ST3GAL4: variants seen among roughly 807,000 people sequenced by gnomAD.
The protein encoded by ST3GAL4 is ST3 beta-galactoside alpha-2,3-sialyltransferase 4.
In ST3GAL4, 24 loss-of-function variants were observed where a neutral mutation model predicts 42.6. That is an observed-to-expected ratio of 0.56 (90% CI 0.41 to 0.79). The LOEUF (loss-of-function observed/expected upper bound fraction) is 0.79. ST3GAL4 is among the 30% of genes least tolerant of loss of function. The pLI, the probability that ST3GAL4 is intolerant of heterozygous loss-of-function variation, is 0.00. For synonymous variants in ST3GAL4, 135 were observed against 163.2 expected (o/e 0.83, Z 1.32); for missense variants, 311 against 430.8 (o/e 0.72, Z 2.46).
At chr11:126,401,820 G>A (rs1954009409) in intron 1 of ST3GAL4, among the ~76,000 whole-genome samples, 1 of 152,120 alleles carries the variant, frequency 6.6e-6, no homozygotes, top group African/African-American at 2.4e-5. Flanking sequence ...AGTGGCATAG[G>A]GGTCGGGGGA....
chr11:126,403,293 G>A, intron 1 of ST3GAL4: 1 of 774,680 alleles, frequency 1.3e-6, no homozygotes, highest in Non-Finnish European at 1.6e-6. Flanking sequence ...GGAAGAGGTC[G>A]AAGAAGGGCT....
rs1177488848 is a variant in ST3GAL4, at chr11:126,366,868, C to T, written c.-61+11026C>T. On this transcript the variant is annotated intron_variant, in intron 1 of 10. Coordinates refer to ENST00000444328, the MANE Select transcript of ST3GAL4 (RefSeq NM_001254757.2). This position sits in a 1 kb window ranked among gnomAD's most constrained non-coding sequence, Gnocchi z 4.2. ...GCTCCAAAACTCTTAAAAGCAGAGC[C>T]GAGAGCCTGAATTCAGAGGCTGTAC... Among the ~76,000 whole-genome samples the T allele has an allele frequency of 3.3e-5, 5 of 152,238 alleles. No individual in the cohort carries two copies. Among genetic ancestry groups the T allele is most frequent in the East Asian group, 1.9e-4 (1 of 5,184 alleles).
Position 126,414,135 on chromosome 11 carries a change from T to C in ST3GAL4, c.*88T>C. ...GCTGTGGGGGTGGCTGGTGCCAGTA[T>C]GACCCACTTGGACTCACCCCCTCTT... is the stretch of plus-strand genomic sequence containing the variant. On this transcript the variant is annotated 3_prime_UTR_variant, in exon 11 of 11. Coordinates refer to ENST00000444328, the MANE Select transcript of ST3GAL4 (RefSeq NM_001254757.2). 7.5e-7 allele frequency: 1 copy of C among 1,325,474 alleles called. No homozygotes were observed. The highest frequency in any genetic ancestry group is 1.1e-6 in the Non-Finnish European group (1 of 919,722). 82.1% of individuals were successfully genotyped at this position (1,325,474 alleles called of 1,614,324 possible). A position where few individuals can be genotyped will look rare whatever the true frequency, so the allele number is the denominator to read the frequency against.
At position 126,373,310 on chromosome 11, in the gene ST3GAL4, G is replaced by C. The variant is rs1285213741; in HGVS notation, c.-61+17468G>C. The stretch of plus-strand genomic sequence containing the variant: ...GCCTTTAACTTCAGATCCTTGGGGT[G>C]GGTGCATTGCTTCTCCTGGGATGGA... On this transcript the variant is annotated intron_variant, in intron 1 of 10. Transcript: ENST00000444328. The surrounding 1 kb of genome is among the most constrained non-coding windows in gnomAD (Gnocchi z 5.5). Among the ~76,000 whole-genome samples the C allele has an allele frequency of 6.6e-6, 1 of 152,180 alleles. No homozygotes were observed. Among genetic ancestry groups the C allele is most frequent in the Non-Finnish European group, 1.5e-5 (1 of 68,028 alleles).
Position 126,406,707 on chromosome 11 carries a change from C to T in ST3GAL4, c.101+150C>T. The stretch of plus-strand genomic sequence containing the variant: ...CTTCAGCTGCTGGTACGGAGTGTTT[C>T]CATGAGGGTGGGTGGGGGTAGGGCC... On this transcript the variant is annotated intron_variant, in intron 3 of 10. Coordinates refer to ENST00000444328, the MANE Select transcript of ST3GAL4 (RefSeq NM_001254757.2). The surrounding 1 kb of genome is among the most constrained non-coding windows in gnomAD (Gnocchi z 5.4). The T allele has an allele frequency of 8.6e-7, 1 of 1,159,202 alleles. No individual in the cohort carries two copies. The highest frequency in any genetic ancestry group is 1.2e-6 in the Non-Finnish European group (1 of 821,716). The allele number at this position is 1,159,202 out of a possible 1,614,324, so 71.8% of individuals were successfully genotyped here. A position where few individuals can be genotyped will look rare whatever the true frequency, so the allele number is the denominator to read the frequency against.
chr11:126,377,648 C>A (rs1469750005), intron 1 of ST3GAL4, among the ~76,000 whole-genome samples: 1 of 151,766 alleles, frequency 6.6e-6, no homozygotes, highest in East Asian at 1.9e-4. Flanking sequence ...CCACACCCGG[C>A]TAATTTTGTA....
In ST3GAL4 at chr11:126,397,728, T is replaced by C. The variant is rs1296145734; in HGVS notation, c.-60-8368T>C. Reference sequence around the variant, plus strand: ...TCCAAGATCTAGAGGACACATCCGGTGAGGGTCTTCTTGCTGCATTGTCTC... The same window carrying C: ...TCCAAGATCTAGAGGACACATCCGGCGAGGGTCTTCTTGCTGCATTGTCTC... On this transcript the variant is annotated intron_variant, in intron 1 of 10. Coordinates refer to ENST00000444328, the MANE Select transcript of ST3GAL4 (RefSeq NM_001254757.2). This position sits in a 1 kb window ranked among gnomAD's most constrained non-coding sequence, Gnocchi z 5.0. Among the ~76,000 whole-genome samples the C allele has an allele frequency of 2.0e-5, 3 of 152,138 alleles. No homozygotes were observed. Among genetic ancestry groups the C allele is most frequent in the Non-Finnish European group, 4.4e-5 (3 of 68,022 alleles).
chr11:126,365,869 A>G lies in ST3GAL4; in HGVS notation c.-61+10027A>G, dbSNP rs555673604. ...TGTGTTGTGTGGGCGCCGGGCCAGG[A>G]AGTGCCCTCCATGGGGCAGCAGGCT... On this transcript the variant is annotated intron_variant, in intron 1 of 10. Transcript: ENST00000444328. 3.5e-3 allele frequency among the ~76,000 whole-genome samples: 539 copies of G among 152,204 alleles called. 5 individuals are homozygous for G. The highest frequency in any genetic ancestry group is 0.012 in the African/African-American group (486 of 41,514).
At chr11:126,374,476 AAATAGAG>A (rs1952761772) in intron 1 of ST3GAL4, among the ~76,000 whole-genome samples, 1 of 151,386 alleles carries the variant, frequency 6.6e-6, no homozygotes, top group Non-Finnish European at 1.5e-5. Flanking sequence ...AAAAAAAAAA[AAATAGAG>A]AAAAGGAAAG....
chr11:126,364,273 G>C (rs1260894264), intron 1 of ST3GAL4, among the ~76,000 whole-genome samples: 3 of 150,944 alleles, frequency 2.0e-5, no homozygotes. Flanking sequence ...GTGGAGATGG[G>C]GACCAGGAGA....
At position 126,373,894 on chromosome 11, in the gene ST3GAL4, C is replaced by T. The variant is rs1405844300; in HGVS notation, c.-61+18052C>T. ...TGCAGCGTCCAGCCAGGGACTGTGC[C>T]GCAGGGGCCAGAAGATATCTGACCT... On this transcript the variant is annotated intron_variant, in intron 1 of 10. Transcript: ENST00000444328. This position sits in a 1 kb window ranked among gnomAD's most constrained non-coding sequence, Gnocchi z 5.5. 6.6e-5 allele frequency among the ~76,000 whole-genome samples: 10 copies of T among 152,036 alleles called. No individual in the cohort carries two copies. Among genetic ancestry groups the T allele is most frequent in the Non-Finnish European group, 1.3e-4 (9 of 68,012 alleles).
intron 1 of ST3GAL4, chr11:126,405,488 T>C (rs1037365575): frequency 6.5e-6 from 1 of 152,894 alleles, no homozygotes; most frequent in Admixed American, 6.5e-5. Context: ...GCGTGAGCAC[T>C]GTTTGCATTT....
rs1953609487 is a variant in ST3GAL4 at position 126,393,663 on chromosome 11, C to G, written c.-60-12433C>G. Among the ~76,000 whole-genome samples, 2 of 152,146 alleles carry G rather than the reference C, an allele frequency of 1.3e-5. No homozygotes were observed. The highest frequency in any genetic ancestry group is 4.1e-4 in the South Asian group (2 of 4,824). On this transcript the variant is annotated intron_variant, in intron 1 of 10. Transcript: ENST00000444328. The surrounding 1 kb of genome is among the most constrained non-coding windows in gnomAD (Gnocchi z 5.9). Reference sequence around the variant, plus strand: ...ACTCTCCTGGTGCTTCCAGTAGGCACTTGAGGGTGGACACCACCGTCTTCA... The same window carrying G: ...ACTCTCCTGGTGCTTCCAGTAGGCAGTTGAGGGTGGACACCACCGTCTTCA...
chr11:126,365,888 G>A (rs1200399095), intron 1 of ST3GAL4, among the ~76,000 whole-genome samples: 1 of 152,186 alleles, frequency 6.6e-6, no homozygotes, highest in Non-Finnish European at 1.5e-5. Flanking sequence ...CCATGGGGCA[G>A]CAGGCTCTGC....
At chr11:126,381,323 G>GC (rs1565404164) in intron 1 of ST3GAL4, among the ~76,000 whole-genome samples, 5 of 152,194 alleles carry the variant, frequency 3.3e-5, no homozygotes, top group Non-Finnish European at 7.3e-5. Flanking sequence ...AACCCTGCAG[G>GC]ATGGAGAAAA....
chr11:126,391,936 C>CATGTGTGT lies in ST3GAL4; in HGVS notation c.-60-14160_-60-14159insATGTGTGT, dbSNP rs147051433. On this transcript the variant is annotated intron_variant, in intron 1 of 10. Transcript: ENST00000444328. The surrounding 1 kb of genome is among the most constrained non-coding windows in gnomAD (Gnocchi z 5.5). ...CTCAGAACACCTGTGATAACTTGGTCGTGTGTGTGTGTGTGTGTGTGTGTG... is the reference window on the plus strand; with the variant it reads ...CTCAGAACACCTGTGATAACTTGGTCATGTGTGTGTGTGTGTGTGTGTGTGTGTGTGTG... Among the ~76,000 whole-genome samples, 348 of 144,478 alleles carry CATGTGTGT rather than the reference C, an allele frequency of 2.4e-3. 1 individual carries two copies. The highest frequency in any genetic ancestry group is 8.2e-3 in the African/African-American group (312 of 38,216). 94.8% of individuals were successfully genotyped at this position (144,478 alleles called of 152,430 possible). A position where few individuals can be genotyped will look rare whatever the true frequency, so the allele number is the denominator to read the frequency against.
At chr11:126,361,786 G>T (rs1213292581) in intron 1 of ST3GAL4, among the ~76,000 whole-genome samples, 2 of 152,244 alleles carry the variant, frequency 1.3e-5, no homozygotes, top group African/African-American at 4.8e-5. Context: ...CTAGAAGCAG[G>T]TTGGAGGCTC....
chr11:126,398,352 T>C lies in ST3GAL4; in HGVS notation c.-60-7744T>C, dbSNP rs1486531916. Among the ~76,000 whole-genome samples the C allele has an allele frequency of 6.6e-6, 1 of 152,172 alleles. No individual in the cohort carries two copies. Among genetic ancestry groups the C allele is most frequent in the African/African-American group, 2.4e-5 (1 of 41,444 alleles). On this transcript the variant is annotated intron_variant, in intron 1 of 10. Transcript: ENST00000444328. This position sits in a 1 kb window ranked among gnomAD's most constrained non-coding sequence, Gnocchi z 4.7. The stretch of plus-strand genomic sequence containing the variant: ...ACAATACCAAATCCCAACTTGACAA[T>C]AATCTTCTTTGACTCCATGTCCTGC...
intron 1 of ST3GAL4, among the ~76,000 whole-genome samples, chr11:126,370,274 A>C (rs969400729): frequency 6.6e-6 from 1 of 152,122 alleles, no homozygotes; most frequent in African/African-American, 2.4e-5. Context: ...CCTGCTTCCC[A>C]CACTCCCCCA....
Sources: allele counts gnomAD v4.1 joint callset (sites outside exome capture counted in the v4.1 genomes callset), GRCh38; gene constraint gnomAD v4.1.1; non-coding constraint Gnocchi (gnomAD v3.1); transcripts MANE v1.5; gene names NCBI Gene and HGNC (gene_info 2026-07-23, HGNC 2026-07-21).